Variants in MEF2D observed in about 807,000 individuals in gnomAD.
The protein encoded by MEF2D is myocyte-specific enhancer factor 2D.
Under a neutral mutation model 59.3 loss-of-function variants are expected in MEF2D, and 10 were observed. The ratio of observed to expected loss-of-function variants is 0.17; its 90% CI spans 0.10 to 0.29. MEF2D has a LOEUF of 0.29. MEF2D is among the 10% of genes least tolerant of loss of function. The pLI, the probability that MEF2D is intolerant of heterozygous loss-of-function variation, is 1.00. For missense variants in MEF2D, 508 were observed against 699.4 expected (o/e 0.73, Z 3.09); for synonymous variants, 305 against 295.0 (o/e 1.03, Z -0.35).
intron 1 of MEF2D, among the ~76,000 whole-genome samples, chr1:156,500,055 G>A (rs1398568057): frequency 6.6e-6 from 1 of 152,118 alleles, no homozygotes; most frequent in African/African-American, 2.4e-5. Flanking sequence ...GGAGGGAACA[G>A]GCGGCGAGAG....
intron 1 of MEF2D, among the ~76,000 whole-genome samples, chr1:156,500,179 C>A (rs1018384431): frequency 1.2e-4 from 18 of 152,252 alleles, no homozygotes; most frequent in Non-Finnish European, 2.6e-4. Flanking sequence ...CGTCGTAAAC[C>A]CCCTACACGA....
intron 6 of MEF2D, among the ~76,000 whole-genome samples, chr1:156,477,785 G>A (rs1671715965): frequency 6.6e-6 from 1 of 152,206 alleles, no homozygotes; most frequent in African/African-American, 2.4e-5. Context: ...GTTGCCCACA[G>A]CTTGGGAGAA....
intron 3 of MEF2D, among the ~76,000 whole-genome samples, chr1:156,481,387 T>C (rs1672007908): frequency 6.6e-6 from 1 of 151,258 alleles, no homozygotes; most frequent in Non-Finnish European, 1.5e-5. Context: ...CAGGGGGAGG[T>C]AGGCAGGGGG....
rs1409308030 is a variant in MEF2D, at chr1:156,477,125, G to A, written c.742C>T (p.Pro248Ser). 6.8e-6 allele frequency: 11 copies of A among 1,613,904 alleles called. No individual in the cohort carries two copies. Among genetic ancestry groups the A allele is most frequent in the South Asian group, 2.2e-5 (2 of 91,064 alleles). Reference sequence around the variant, plus strand: ...GTAGGTGGGGGTGGAGACTTGGCAGGGATGACCTTGTTTAGGCTGTTGCCA... The same window carrying A: ...GTAGGTGGGGGTGGAGACTTGGCAGAGATGACCTTGTTTAGGCTGTTGCCA... Reference protein sequence around the residue: ...ANGNSLNKVIPAKSPPPPTHS... With the variant: ...ANGNSLNKVISAKSPPPPTHS... The change falls in exon 7 of 12, where the codon CCT becomes TCT. Residue 248 changes from proline to serine, a missense_variant. Pro to Ser is a moderately conservative substitution (Grantham distance 74). Around this residue, in one of 2 missense-constraint regions of MEF2D, gnomAD observed 481 missense variants for 584.7 expected, o/e 0.82. Transcript: ENST00000348159.
At chr1:156,469,135 C>G (rs1671067021) in intron 9 of MEF2D, 115 bp from the exon 10 acceptor site, 1 of 1,372,082 alleles carries the variant, frequency 7.3e-7, no homozygotes, top group Non-Finnish European at 9.7e-7. Flanking sequence ...TGTGTAATGA[C>G]AGATGTAAGG....
At position 156,483,256 on chromosome 1, in the gene MEF2D, C is replaced by T. The variant is rs1452650896; in HGVS notation, c.37G>A (p.Asp13Asn). Residue 13 changes from aspartate (D) to asparagine (N), a missense_variant, in exon 2 of 12, where the codon GAC (aspartate) becomes AAC (asparagine). Physicochemically the swap from Asp to Asn is conservative, Grantham distance 23 (BLOSUM62 1). Around this residue, in one of 2 missense-constraint regions of MEF2D, gnomAD observed 27 missense variants for 114.8 expected, o/e 0.24. Transcript: ENST00000348159. ...TTCCCTACCTGTCGGTTCCGCTCGT[C>T]GGTGATTCGCTGGATCTGAATCTTT... is the stretch of plus-strand genomic sequence containing the variant. ...RKKIQIQRIT[D>N]ERNRQVTFTK... 1 of 1,614,136 alleles carries T rather than the reference C, an allele frequency of 6.2e-7. No individual in the cohort carries two copies. Among genetic ancestry groups the T allele is most frequent in the Admixed American group, 1.7e-5 (1 of 60,012 alleles).
At chr1:156,472,690 A>G (rs1671307602) in intron 9 of MEF2D, among the ~76,000 whole-genome samples, 1 of 150,794 alleles carries the variant, frequency 6.6e-6, no homozygotes, top group Non-Finnish European at 1.5e-5. Flanking sequence ...CTGGGACTAC[A>G]GGCGTGTGCC....
At chr1:156,497,446 G>C (rs528871924) in intron 1 of MEF2D, among the ~76,000 whole-genome samples, 10 of 152,368 alleles carry the variant, frequency 6.6e-5, no homozygotes, top group African/African-American at 2.2e-4. Context: ...CAGCACCACA[G>C]TGCCATGAGA....
chr1:156,467,929 G>C, intron 11 of MEF2D, 64 bp downstream of exon 11: 3 of 1,538,358 alleles, frequency 2.0e-6, no homozygotes, highest in Non-Finnish European at 2.6e-6. Flanking sequence ...CAGGTTAGGG[G>C]GCACGCGGGG....
Position 156,468,763 on chromosome 1 carries a change from G to GTC in MEF2D, c.1247+15_1247+16dup. The stretch of plus-strand genomic sequence containing the variant: ...CTCCCTTCCCACACACTCACATGCA[G>GTC]TCTCCCCAGGACTCACATGAGGTTG... On this transcript the variant is annotated intron_variant, in intron 10 of 11. Transcript: ENST00000348159. The surrounding 1 kb of genome is among the most constrained non-coding windows in gnomAD (Gnocchi z 4.3). 6.2e-7 allele frequency: 1 copy of GTC among 1,601,570 alleles called. No homozygotes were observed. The highest frequency in any genetic ancestry group is 2.2e-5 in the East Asian group (1 of 44,514).
chr1:156,495,209 C>T (rs556396207), intron 1 of MEF2D, among the ~76,000 whole-genome samples: 3 of 152,272 alleles, frequency 2.0e-5, no homozygotes, highest in African/African-American at 7.2e-5. Flanking sequence ...TTTTCTCTTC[C>T]CTTCAATTTC....
chr1:156,481,638 T>C (rs1672024698), intron 3 of MEF2D, among the ~76,000 whole-genome samples: 1 of 152,240 alleles, frequency 6.6e-6, no homozygotes, highest in African/African-American at 2.4e-5. Flanking sequence ...GTCTTTAAAA[T>C]GAATGCAAAT....
Position 156,480,998 on chromosome 1 carries a change from G to A in MEF2D, c.259-27C>T, listed in dbSNP as rs1337622909. ...TGTAACCGCACCACTGCCATCAGCTGGGTGAGAGTCCTTCCCGCCCGCCTC... is the reference window on the plus strand; with the variant it reads ...TGTAACCGCACCACTGCCATCAGCTAGGTGAGAGTCCTTCCCGCCCGCCTC... On this transcript the variant is annotated intron_variant, in intron 3 of 11. Coordinates refer to ENST00000348159, the MANE Select transcript of MEF2D (RefSeq NM_005920.4). 3 of 1,611,012 alleles carry A rather than the reference G, an allele frequency of 1.9e-6. No homozygotes were observed. The African/African-American group carries it at 4.0e-5, about 22-fold the overall frequency.
At chr1:156,484,472 C>T (rs1039175865) in intron 1 of MEF2D, among the ~76,000 whole-genome samples, 8 of 152,224 alleles carry the variant, frequency 5.3e-5, no homozygotes, top group Admixed American at 2.0e-4. Flanking sequence ...ATTTGGTCCA[C>T]GGGCCATAGT....
At chr1:156,475,058 G>A in intron 9 of MEF2D, 50 bp downstream of exon 9, 1 of 1,612,286 alleles carries the variant, frequency 6.2e-7, no homozygotes, top group South Asian at 1.1e-5. Flanking sequence ...CTGGTCACTT[G>A]CCTGCCCCAA....
chr1:156,471,088 C>G (rs1210385509), intron 9 of MEF2D, among the ~76,000 whole-genome samples: 2 of 152,160 alleles, frequency 1.3e-5, no homozygotes, highest in Admixed American at 6.5e-5. Flanking sequence ...CAGAGTCTCG[C>G]TCTGTTGCCC....
Position 156,480,877 on chromosome 1 carries a change from C to T in MEF2D, c.353G>A (p.Arg118Gln), listed in dbSNP as rs745986168. 6.8e-6 allele frequency: 11 copies of T among 1,606,654 alleles called. No individual in the cohort carries two copies. The highest frequency in any genetic ancestry group is 2.7e-5 in the African/African-American group (2 of 74,918). Residue 118 changes from arginine to glutamine, a missense_variant, in exon 4 of 12, where the codon CGA (arginine) becomes CAA (glutamine). By Grantham distance (43) the Arg-to-Gln change is conservative (BLOSUM62 1). Coordinates refer to ENST00000348159, the MANE Select transcript of MEF2D (RefSeq NM_005920.4). ...EQSPLLEDKY[R>Q]RASEELDGLF... ...CCCGTCGAGCTCCTCGCTGGCGCGT[C>T]GGTACTTGTCCTCCAGCAGGGGGCT...
intron 6 of MEF2D, among the ~76,000 whole-genome samples, chr1:156,477,444 G>C (rs777091996): frequency 8.5e-5 from 13 of 152,150 alleles, no homozygotes; most frequent in Non-Finnish European, 1.5e-4. Context: ...ACATGTGATA[G>C]GGCTTGGTGA....
rs1346955669 is a variant in MEF2D at position 156,480,611 on chromosome 1, A to G, written c.396+223T>C. On this transcript the variant is annotated intron_variant, in intron 4 of 11. Transcript: ENST00000348159. ...AGGGCGCGAAGCCACACCATGCACC[A>G]CAGGGAGGCTCTGCTCCATGCGACT... is the stretch of plus-strand genomic sequence containing the variant. The G allele has an allele frequency of 1.6e-5, 24 of 1,530,710 alleles. No individual in the cohort carries two copies. In the East Asian group the frequency reaches 5.9e-4, roughly 38 times the overall value. 94.8% of individuals were successfully genotyped at this position (1,530,710 alleles called of 1,614,324 possible). A position where few individuals can be genotyped will look rare whatever the true frequency, so the allele number is the denominator to read the frequency against.
Sources: gnomAD v4.1 joint callset for allele counts (sites outside exome capture counted in the v4.1 genomes callset) on GRCh38, gnomAD v4.1.1 for gene constraint, gnomAD v4.1.1 regional missense constraint, Gnocchi (gnomAD v3.1) non-coding constraint, MANE v1.5 for transcripts, NCBI Gene and HGNC (gene_info 2026-07-23, HGNC 2026-07-21) for gene names.